LRRC66: variants seen among roughly 807,000 people sequenced by gnomAD.
LRRC66 encodes the protein leucine-rich repeat-containing protein 66.
LRRC66 carries 29 observed loss-of-function variants against 24.6 expected under a neutral mutation model. That is an observed-to-expected ratio of 1.18 (90% CI 0.88 to 1.61). The LOEUF (loss-of-function observed/expected upper bound fraction) is 1.61, where lower values mean the gene tolerates loss of function less well. LRRC66 is among the 40% of genes most tolerant of loss of function. LRRC66 has a pLI of 0.00. For missense variants in LRRC66, 1,124 were observed against 1,058.0 expected (o/e 1.06, Z -0.87); for synonymous variants, 411 against 397.6 (o/e 1.03, Z -0.40).
intron 2 of LRRC66, among the ~76,000 whole-genome samples, chr4:52,014,073 G>A (rs1053439724): frequency 1.2e-4 from 18 of 152,194 alleles, no homozygotes; most frequent in Admixed American, 1.1e-3. Context: ...GACCAACATG[G>A]AGGAGCCCCG....
chr4:52,002,126 G>A (rs991205616), intron 3 of LRRC66, among the ~76,000 whole-genome samples: 2 of 152,162 alleles, frequency 1.3e-5, no homozygotes, highest in African/African-American at 4.8e-5. Context: ...ACCAGGTTTT[G>A]AAGACTTACT....
intron 4 of LRRC66, among the ~76,000 whole-genome samples, chr4:51,996,414 CT>C (rs912139367): frequency 6.6e-6 from 1 of 150,880 alleles, no homozygotes; most frequent in African/African-American, 2.4e-5. Context: ...GCCTGGGCTG[CT>C]TTTTTTTTAT....
Position 51,996,114 on chromosome 4 carries a change from G to T in LRRC66, c.908C>A (p.Thr303Asn), listed in dbSNP as rs750456745. Reference sequence around the variant, plus strand: ...ATGCAGATGAATGGGAGGAAGGCGGGTTTCCCTGGAAATCCTGCTCTGGGG... The same window carrying T: ...ATGCAGATGAATGGGAGGAAGGCGGTTTTCCCTGGAAATCCTGCTCTGGGG... ...GTPQSRISRE[T>N]RLPPIHLHRM... The change falls in exon 5 of 5, where the codon ACC (threonine) becomes AAC (asparagine). Residue 303 changes from threonine (T) to asparagine (N), a missense_variant. Thr to Asn is a moderately conservative substitution (Grantham distance 65). Coordinates refer to ENST00000682860, the MANE Select transcript of LRRC66 (RefSeq NM_001024611.3). 1.7e-5 allele frequency: 28 copies of T among 1,613,842 alleles called. No homozygotes were observed. In the African/African-American group the frequency reaches 3.3e-4, roughly 19 times the overall value.
chr4:51,994,885 G>C lies in LRRC66; in HGVS notation c.2137C>G (p.Leu713Val). The part of the protein sequence containing the change: ...CDSDEGSLFT[L>V]SSISSESARS... ...GCACTCTCTGAACTTATGGAGCTCA[G>C]AGTGAACAGAGACCCCTCATCAGAG... is the stretch of plus-strand genomic sequence containing the variant. The change falls in exon 5 of 5, where the codon CTG (leucine) becomes GTG (valine). Residue 713 changes from leucine to valine, a missense_variant. Leu to Val is a conservative substitution (Grantham distance 32). Transcript: ENST00000682860. The C allele has an allele frequency of 6.2e-7, 1 of 1,614,152 alleles. No individual in the cohort carries two copies. Among genetic ancestry groups the C allele is most frequent in the Non-Finnish European group, 8.5e-7 (1 of 1,180,048 alleles).
intron 4 of LRRC66, 124 bp downstream of exon 4, chr4:51,997,624 G>T: frequency 1.2e-6 from 1 of 816,732 alleles, no homozygotes; most frequent in Non-Finnish European, 2.0e-6. Flanking sequence ...GCCCAAGACT[G>T]ACTAATGCCA....
In LRRC66 at chr4:52,020,145, T is replaced by C. The variant is rs144177010; in HGVS notation, c.-6+159A>G. 3.0e-3 allele frequency among the ~76,000 whole-genome samples: 451 copies of C among 151,972 alleles called. 3 individuals are homozygous for C. Among genetic ancestry groups the C allele is most frequent in the African/African-American group, 0.01 (421 of 41,438 alleles). On this transcript the variant is annotated intron_variant, in intron 1 of 4. Coordinates refer to ENST00000682860, the MANE Select transcript of LRRC66 (RefSeq NM_001024611.3). The stretch of plus-strand genomic sequence containing the variant: ...CATTTGTGAGTCAGCAAGTGAAAGA[T>C]AGGAAGAAGGCAGCACAAAAAAACA...
At chr4:51,998,096 T>A (rs573981311) in intron 3 of LRRC66, among the ~76,000 whole-genome samples, 159 bp from the exon 4 acceptor site, 45 of 152,362 alleles carry the variant, frequency 3.0e-4, no homozygotes, top group Admixed American at 8.5e-4. Context: ...TAAGTCTCTG[T>A]TCTACCCCTA....
chr4:52,005,554 C>T (rs6836173), intron 2 of LRRC66, among the ~76,000 whole-genome samples: 3,675 of 150,832 alleles, frequency 0.024, 72 homozygotes, highest in Non-Finnish European at 0.038. Flanking sequence ...TGCCACTGTA[C>T]TCCAGCTGGG....
intron 1 of LRRC66, chr4:52,018,163 T>A: frequency 1.0e-6 from 1 of 985,446 alleles, no homozygotes; most frequent in Non-Finnish European, 1.2e-6. Flanking sequence ...TTTTGCTGTG[T>A]GGCTTGTGTG....
At chr4:52,018,265 C>T (rs945793050) in intron 1 of LRRC66, 23 of 984,574 alleles carry the variant, frequency 2.3e-5, no homozygotes, top group East Asian at 1.1e-4. Flanking sequence ...AGATGTAATA[C>T]GATACAGAAA....
At position 51,994,825 on chromosome 4, in the gene LRRC66, C is replaced by T; in HGVS notation, c.2197G>A (p.Glu733Lys). Residue 733 changes from glutamate (E) to lysine (K), a missense_variant, in exon 5 of 5, where the codon GAG becomes AAG. Physicochemically the swap from Glu to Lys is moderately conservative, Grantham distance 56. Coordinates refer to ENST00000682860, the MANE Select transcript of LRRC66 (RefSeq NM_001024611.3). ...SKTEEAVPDE[E>K]SLQDESSGAS... ...CCTGAGCTCTCGTCCTGCAGGGACT[C>T]CTCATCAGGCACTGCCTCTTCAGTC... The T allele has an allele frequency of 6.2e-7, 1 of 1,614,200 alleles. No homozygotes were observed. Among genetic ancestry groups the T allele is most frequent in the East Asian group, 2.2e-5 (1 of 44,870 alleles).
In LRRC66 at chr4:51,995,841, C is replaced by A. The variant is rs1736297994; in HGVS notation, c.1181G>T (p.Gly394Val). ...FITFLVAFSLGAFTRPYVDRL... is the reference protein window; with the variant it reads ...FITFLVAFSLVAFTRPYVDRL... ...GTCAACATAAGGCCTTGTGAAAGCC[C>A]CCAGGCTGAAGGCGACAAGGAATGT... The change falls in exon 5 of 5, where the codon GGG (glycine) becomes GTG (valine). Residue 394 changes from glycine to valine, a missense_variant. Coordinates refer to ENST00000682860, the MANE Select transcript of LRRC66 (RefSeq NM_001024611.3). 1.2e-6 allele frequency: 2 copies of A among 1,614,116 alleles called. No individual in the cohort carries two copies. The highest frequency in any genetic ancestry group is 1.7e-6 in the Non-Finnish European group (2 of 1,180,016).
intron 3 of LRRC66, among the ~76,000 whole-genome samples, chr4:52,001,409 G>C (rs1417849905): frequency 2.0e-5 from 3 of 152,158 alleles, no homozygotes; most frequent in African/African-American, 7.2e-5. Context: ...GGCTTGAAAG[G>C]AGGCTGGAGA....
At chr4:52,015,667 A>G (rs1370859454) in intron 2 of LRRC66, among the ~76,000 whole-genome samples, 1 of 152,216 alleles carries the variant, frequency 6.6e-6, no homozygotes, top group Non-Finnish European at 1.5e-5. Context: ...GATCACATCT[A>G]CCATACCAGT....
At chr4:51,997,461 CAG>C in intron 4 of LRRC66, among the ~76,000 whole-genome samples, 10 of 152,148 alleles carry the variant, frequency 6.6e-5, no homozygotes, top group Admixed American at 6.5e-4. Flanking sequence ...TTTGGTGTGT[CAG>C]AACAAAACTC....
intron 2 of LRRC66, among the ~76,000 whole-genome samples, chr4:52,010,269 G>C (rs1331499358): frequency 2.0e-5 from 3 of 152,072 alleles, no homozygotes; most frequent in Non-Finnish European, 2.9e-5. Context: ...GCAATGAAAA[G>C]GAATGAACCT....
In LRRC66 at chr4:51,997,844, T is replaced by C. The variant is rs201366554; in HGVS notation, c.760A>G (p.Asn254Asp). 1.2e-6 allele frequency: 2 copies of C among 1,614,094 alleles called. No homozygotes were observed. Among genetic ancestry groups the C allele is most frequent in the Admixed American group, 3.3e-5 (2 of 60,020 alleles). ...ACACTATCATCACACTGCCAGTTAT[T>C]ATCAGCCAAGTCAACCACTAGATGG... ...FPHLVVDLAD[N>D]NWQCDDSVAV... Residue 254 changes from asparagine to aspartate, a missense_variant, in exon 4 of 5, where the codon AAT (asparagine) becomes GAT (aspartate). By Grantham distance (23) the Asn-to-Asp change is conservative. Transcript: ENST00000682860.
chr4:51,997,809 A>G lies in LRRC66; in HGVS notation c.795T>C (p.Phe265=), dbSNP rs1478565021. ...TCCAGGATTCAGAAATAAAATTTTG[A>G]AAGACTGCCACACTATCATCACACT... The part of the protein sequence containing the change: ...NWQCDDSVAV[F]QNFISESWRK... Residue 265 remains phenylalanine (F), a synonymous_variant, in exon 4 of 5, where the codon TTT becomes TTC. Transcript: ENST00000682860. The G allele has an allele frequency of 1.2e-6, 2 of 1,614,110 alleles. No individual in the cohort carries two copies. The highest frequency in any genetic ancestry group is 1.7e-6 in the Non-Finnish European group (2 of 1,179,976).
chr4:52,017,518 GAATAA>G lies in LRRC66; in HGVS notation c.91_95del (p.Leu31GlnfsTer3), dbSNP rs1225643161. 2 of 1,613,080 alleles carry G rather than the reference GAATAA, an allele frequency of 1.2e-6. No individual in the cohort carries two copies. Among genetic ancestry groups the G allele is most frequent in the Non-Finnish European group, 1.7e-6 (2 of 1,179,682 alleles). Reference sequence around the variant, plus strand: ...ATTCATTCCATTGGCATTCAGAATTGAATAAAATATTGCTTTTTCTTGATGCATTT... The same window carrying G: ...ATTCATTCCATTGGCATTCAGAATTGAATATTGCTTTTTCTTGATGCATTT... On this transcript the variant is annotated frameshift_variant, in exon 2 of 5. Coordinates refer to ENST00000682860, the MANE Select transcript of LRRC66 (RefSeq NM_001024611.3). LOFTEE classifies it high-confidence loss of function.
Sources: allele counts gnomAD v4.1 joint callset (sites outside exome capture counted in the v4.1 genomes callset), GRCh38; gene constraint gnomAD v4.1.1; transcripts MANE v1.5; gene names NCBI Gene and HGNC (gene_info 2026-07-23, HGNC 2026-07-21).